The following PARD3B variants were observed in gnomAD, a reference collection of about 807,000 sequenced individuals.
PARD3B encodes par-3 family cell polarity regulator beta.
Under a neutral mutation model 130.2 loss-of-function variants are expected in PARD3B, and 103 were observed. The ratio of observed to expected loss-of-function variants is 0.79; its 90% CI spans 0.67 to 0.93. The LOEUF (loss-of-function observed/expected upper bound fraction) is 0.93, where lower values mean the gene tolerates loss of function less well. PARD3B is among the 40% of genes least tolerant of loss of function. The probability of loss-of-function intolerance (pLI) is 0.00; values close to 1 mark genes in which losing one functional copy is unlikely to be tolerated. For missense variants in PARD3B, 1,609 were observed against 1,499.2 expected (o/e 1.07, Z -1.21); for synonymous variants, 583 against 553.2 (o/e 1.05, Z -0.76).
intron 18 of PARD3B, among the ~76,000 whole-genome samples, chr2:205,396,485 G>T (rs749159189): frequency 6.6e-6 from 1 of 152,140 alleles, no homozygotes; most frequent in Non-Finnish European, 1.5e-5. Context: ...CTATAGAAAT[G>T]AACAGAGAAA....
rs1186293919 is a variant in PARD3B at position 204,669,692 on chromosome 2, G to T, written c.121-16489G>T. Among the ~76,000 whole-genome samples, 1 of 152,064 alleles carries T rather than the reference G, an allele frequency of 6.6e-6. No homozygotes were observed. The highest frequency in any genetic ancestry group is 1.5e-5 in the Non-Finnish European group (1 of 68,012). On this transcript the variant is annotated intron_variant, in intron 1 of 22. Coordinates refer to ENST00000406610, the MANE Select transcript of PARD3B (RefSeq NM_001302769.2). The surrounding 1 kb of genome is among the most constrained non-coding windows in gnomAD (Gnocchi z 4.3). ...GGAATCAAATTATAGAGAAAGTATG[G>T]TTATCATTACAGAAAAGAATGTAAA...
chr2:205,114,239 C>G (rs185332998), intron 6 of PARD3B, among the ~76,000 whole-genome samples: 1 of 152,176 alleles, frequency 6.6e-6, no homozygotes, highest in East Asian at 1.9e-4. Context: ...GGATTTAAAA[C>G]TTGTTCTCTT....
At chr2:204,644,771 C>CATG (rs1287508713) in intron 1 of PARD3B, among the ~76,000 whole-genome samples, 2 of 152,014 alleles carry the variant, frequency 1.3e-5, no homozygotes, top group Admixed American at 6.5e-5. Flanking sequence ...GTTTATGGTA[C>CATG]ATGATATCAT....
At position 205,142,545 on chromosome 2, in the gene PARD3B, ATTTCTGCC is replaced by A. The variant is rs2033044931; in HGVS notation, c.1435-16176_1435-16169del. ...AGGAATCAAAGTTGAATTAAACATA[ATTTCTGCC>A]CTTGATGAGATCACAGTGGTATAGC... is the stretch of plus-strand genomic sequence containing the variant. On this transcript the variant is annotated intron_variant, in intron 10 of 22. Coordinates refer to ENST00000406610, the MANE Select transcript of PARD3B (RefSeq NM_001302769.2). The surrounding 1 kb of genome is among the most constrained non-coding windows in gnomAD (Gnocchi z 4.3). Among the ~76,000 whole-genome samples, 1 of 152,160 alleles carries A rather than the reference ATTTCTGCC, an allele frequency of 6.6e-6. No homozygotes were observed. The highest frequency in any genetic ancestry group is 2.4e-5 in the African/African-American group (1 of 41,434).
At chr2:205,013,640 C>T (rs1012716122) in intron 3 of PARD3B, among the ~76,000 whole-genome samples, 1 of 152,172 alleles carries the variant, frequency 6.6e-6, no homozygotes, top group African/African-American at 2.4e-5. Context: ...TTCTGTAAGA[C>T]TCAGAAATAC....
intron 1 of PARD3B, among the ~76,000 whole-genome samples, chr2:204,651,034 T>G (rs184505821): frequency 6.6e-6 from 1 of 152,134 alleles, no homozygotes; most frequent in African/African-American, 2.4e-5. Context: ...TCCCCTGACA[T>G]GGGATTACAA....
chr2:205,511,741 T>C (rs2050595691), intron 21 of PARD3B, among the ~76,000 whole-genome samples: 1 of 150,474 alleles, frequency 6.6e-6, no homozygotes, highest in Admixed American at 6.6e-5. Context: ...AAGATATGAA[T>C]ATCTATCTAA....
At chr2:204,927,457 C>T (rs765493028) in intron 2 of PARD3B, among the ~76,000 whole-genome samples, 2 of 152,134 alleles carry the variant, frequency 1.3e-5, no homozygotes, top group African/African-American at 4.8e-5. Context: ...TCAGACTTCC[C>T]AGCCTTTAGA....
chr2:204,930,908 T>G (rs1219209887), intron 2 of PARD3B, among the ~76,000 whole-genome samples: 1 of 152,100 alleles, frequency 6.6e-6, no homozygotes, highest in Non-Finnish European at 1.5e-5. Flanking sequence ...CGATGAACAC[T>G]TGAGTATATG....
At chr2:204,701,241 A>C (rs2037877349) in intron 2 of PARD3B, among the ~76,000 whole-genome samples, 1 of 152,110 alleles carries the variant, frequency 6.6e-6, no homozygotes, top group Admixed American at 6.6e-5. Flanking sequence ...AATTCTGATA[A>C]ATACTCTATT....
intron 3 of PARD3B, among the ~76,000 whole-genome samples, chr2:204,997,817 C>G (rs1694355732): frequency 6.6e-6 from 1 of 150,440 alleles, no homozygotes. Context: ...TTTAGTTTTG[C>G]TATACATTTA....
intron 1 of PARD3B, among the ~76,000 whole-genome samples, chr2:204,652,549 G>C (rs1445597933): frequency 2.6e-5 from 4 of 152,130 alleles, no homozygotes; most frequent in Admixed American, 6.5e-5. Flanking sequence ...GGAAGTTCCA[G>C]ACTTTCCCAC....
At chr2:204,970,198 T>C (rs1275987406) in intron 3 of PARD3B, among the ~76,000 whole-genome samples, 1 of 152,186 alleles carries the variant, frequency 6.6e-6, no homozygotes, top group Middle Eastern at 3.2e-3. Flanking sequence ...TAAGAGGCTT[T>C]TTGTGGCCAT....
At chr2:204,657,434 A>T (rs955574220) in intron 1 of PARD3B, among the ~76,000 whole-genome samples, 2 of 152,154 alleles carry the variant, frequency 1.3e-5, no homozygotes, top group African/African-American at 4.8e-5. Flanking sequence ...TGAGCCCAAG[A>T]TGTTGAGGCT....
At chr2:205,045,831 C>T (rs985410970) in intron 3 of PARD3B, among the ~76,000 whole-genome samples, 7 of 151,940 alleles carry the variant, frequency 4.6e-5, no homozygotes, top group Non-Finnish European at 1.0e-4. Flanking sequence ...ATATATGACT[C>T]AGCTGCATAA....
At chr2:204,763,948 A>G (rs1033372478) in intron 2 of PARD3B, among the ~76,000 whole-genome samples, 3 of 152,170 alleles carry the variant, frequency 2.0e-5, no homozygotes, top group Non-Finnish European at 2.9e-5. Context: ...GTCTATTCTT[A>G]TGATATTTAC....
At chr2:205,222,371 G>T (rs941862880) in intron 15 of PARD3B, among the ~76,000 whole-genome samples, 1 of 152,088 alleles carries the variant, frequency 6.6e-6, no homozygotes, top group Non-Finnish European at 1.5e-5. Flanking sequence ...GCTGTTCCAC[G>T]TACAAACTTT....
intron 22 of PARD3B, among the ~76,000 whole-genome samples, chr2:205,556,033 C>T (rs374022516): frequency 6.6e-6 from 1 of 152,122 alleles, no homozygotes; most frequent in Admixed American, 6.5e-5. Context: ...TGTCTTTCCC[C>T]CTGGAGATTT....
At chr2:205,489,250 CACTT>C (rs1338244755) in intron 20 of PARD3B, among the ~76,000 whole-genome samples, 1 of 151,998 alleles carries the variant, frequency 6.6e-6, no homozygotes, top group Non-Finnish European at 1.5e-5. Context: ...ATGTATCACA[CACTT>C]ACACATAACT....
Sources: gnomAD v4.1 joint callset for allele counts (sites outside exome capture counted in the v4.1 genomes callset) on GRCh38, gnomAD v4.1.1 for gene constraint, Gnocchi (gnomAD v3.1) non-coding constraint, MANE v1.5 for transcripts, NCBI Gene and HGNC (gene_info 2026-07-23, HGNC 2026-07-21) for gene names.